The following SUGCT variants were observed in gnomAD, a reference collection of about 807,000 sequenced individuals.
SUGCT encodes succinyl-CoA:glutarate CoA-transferase.
Under a neutral mutation model 55.0 loss-of-function variants are expected in SUGCT, and 41 were observed. The ratio of observed to expected loss-of-function variants is 0.74; its 90% CI spans 0.58 to 0.97. SUGCT has a LOEUF of 0.97. SUGCT is among the 50% of genes least tolerant of loss of function. The probability of loss-of-function intolerance (pLI) is 0.00; values close to 1 mark genes in which losing one functional copy is unlikely to be tolerated. For synonymous variants in SUGCT, 187 were observed against 200.4 expected, an observed-to-expected ratio of 0.93 and a Z score of 0.56; for missense variants, 568 against 547.8, an observed-to-expected ratio of 1.04 and a Z score of -0.37.
chr7:40,580,530 C>T (rs1180202956), intron 12 of SUGCT, among the ~76,000 whole-genome samples: 1 of 152,116 alleles, frequency 6.6e-6, no homozygotes, highest in African/African-American at 2.4e-5. Flanking sequence ...AAAACCCAGG[C>T]CATCCTGTGA....
Position 40,318,499 on chromosome 7 carries a change from C to T in SUGCT, c.816+1644C>T, listed in dbSNP as rs145576187. The stretch of plus-strand genomic sequence containing the variant: ...TTGCCTATGTGGGTGTGCAGTGGCA[C>T]GATCTCAGCTCCCTGCAACCTCCAC... On this transcript the variant is annotated intron_variant, in intron 9 of 13. Transcript: ENST00000335693. 1.2e-4 allele frequency among the ~76,000 whole-genome samples: 18 copies of T among 152,336 alleles called. No homozygotes were observed. In the East Asian group the frequency reaches 2.7e-3, roughly 23 times the overall value.
chr7:40,971,210 T>C, the SUGCT span, among the ~76,000 whole-genome samples: 1 of 152,060 alleles, frequency 6.6e-6, no homozygotes, highest in East Asian at 1.9e-4. Flanking sequence ...GAGAGAGCGA[T>C]GCGGGAGGTG....
intron 8 of SUGCT, among the ~76,000 whole-genome samples, chr7:40,285,568 G>T (rs1793281276): frequency 6.6e-6 from 1 of 151,568 alleles, no homozygotes; most frequent in Non-Finnish European, 1.5e-5. Context: ...AATCAGTGGT[G>T]ACTATTTACC....
At chr7:40,659,736 G>A (rs894489173) in intron 12 of SUGCT, among the ~76,000 whole-genome samples, 1 of 152,180 alleles carries the variant, frequency 6.6e-6, no homozygotes. Context: ...CTTGCATGCA[G>A]TCCCAATTTC....
intron 13 of SUGCT, among the ~76,000 whole-genome samples, chr7:40,776,605 G>A (rs985214135): frequency 2.6e-5 from 4 of 152,026 alleles, no homozygotes; most frequent in African/African-American, 7.2e-5. Context: ...TACTTTCTAC[G>A]TATTATTTCA....
chr7:40,320,767 GA>G (rs36035003), intron 9 of SUGCT, among the ~76,000 whole-genome samples: 84,261 of 151,890 alleles, frequency 0.55, 24,675 homozygotes, highest in Non-Finnish European at 0.66. Context: ...AATATAGTGG[GA>G]AAAAAATGGA....
chr7:40,921,466 C>T, the SUGCT span, among the ~76,000 whole-genome samples: 1 of 152,324 alleles, frequency 6.6e-6, no homozygotes, highest in East Asian at 1.9e-4. Flanking sequence ...TGTGCACCTT[C>T]GTACTGAAGC....
At chr7:40,640,003 A>G (rs1800198364) in intron 12 of SUGCT, among the ~76,000 whole-genome samples, 1 of 152,210 alleles carries the variant, frequency 6.6e-6, no homozygotes, top group Non-Finnish European at 1.5e-5. Context: ...AAGATTCAGC[A>G]TCATGGTGTT....
intron 8 of SUGCT, among the ~76,000 whole-genome samples, chr7:40,293,136 A>T (rs1793893013): frequency 6.6e-6 from 1 of 151,928 alleles, no homozygotes; most frequent in South Asian, 2.1e-4. Context: ...GGTAATGAGA[A>T]TTTTTCTGTG....
chr7:40,812,324 G>A (rs1192963976), intron 13 of SUGCT, among the ~76,000 whole-genome samples: 1 of 152,084 alleles, frequency 6.6e-6, no homozygotes, highest in Non-Finnish European at 1.5e-5. Context: ...ACATCAGGTA[G>A]AATTCAGCTG....
chr7:41,023,638 A>G, the SUGCT span, among the ~76,000 whole-genome samples: 1 of 152,198 alleles, frequency 6.6e-6, no homozygotes, highest in African/African-American at 2.4e-5. Context: ...AACAGTTCCT[A>G]CAATCCCATT....
the SUGCT span, among the ~76,000 whole-genome samples, chr7:40,944,059 T>C: frequency 6.6e-6 from 1 of 152,114 alleles, no homozygotes; most frequent in African/African-American, 2.4e-5. Flanking sequence ...CATGTGTCTT[T>C]TGGCTGCATA....
the SUGCT span, among the ~76,000 whole-genome samples, chr7:40,898,187 T>C: frequency 3.3e-5 from 5 of 152,026 alleles, no homozygotes; most frequent in Admixed American, 1.3e-4. Context: ...ACTGAACAAC[T>C]CTGGACGTGC....
At chr7:40,377,173 TC>T (rs1370143621) in intron 9 of SUGCT, among the ~76,000 whole-genome samples, 7 of 15,868 alleles carry the variant, frequency 4.4e-4, no homozygotes, top group African/African-American at 7.0e-4. Context: ...TTTCTTTCTT[TC>T]TTTCTTTCTT....
intron 9 of SUGCT, among the ~76,000 whole-genome samples, chr7:40,377,126 TCC>T (rs61619065): frequency 0.86 from 25,797 of 29,858 alleles, 12,342 homozygotes; most frequent in South Asian, 0.99. Context: ...TTTTCAGCCT[TCC>T]TCTTTCTTTC....
chr7:40,476,753 A>G (rs1294699586), intron 11 of SUGCT, among the ~76,000 whole-genome samples: 1 of 151,912 alleles, frequency 6.6e-6, no homozygotes, highest in Non-Finnish European at 1.5e-5. Flanking sequence ...ATATTACTGT[A>G]CAAATGGAAT....
chr7:40,631,244 C>T (rs1257894660), intron 12 of SUGCT, among the ~76,000 whole-genome samples: 2 of 151,918 alleles, frequency 1.3e-5, no homozygotes, highest in African/African-American at 4.8e-5. Flanking sequence ...GCATTATTTA[C>T]GTGTAACAAG....
intron 12 of SUGCT, among the ~76,000 whole-genome samples, chr7:40,593,228 C>T (rs578083673): frequency 5.9e-5 from 9 of 152,256 alleles, no homozygotes; most frequent in Middle Eastern, 3.4e-3. Context: ...GCCTAGAGCC[C>T]GTGGGATTCT....
chr7:40,585,521 G>A (rs903891954), intron 12 of SUGCT, among the ~76,000 whole-genome samples: 1 of 152,094 alleles, frequency 6.6e-6, no homozygotes, highest in Non-Finnish European at 1.5e-5. Flanking sequence ...GGATCCTCCT[G>A]CTTCAGCCTC....
Sources: allele counts gnomAD v4.1 joint callset (sites outside exome capture counted in the v4.1 genomes callset), GRCh38; gene constraint gnomAD v4.1.1; transcripts MANE v1.5; gene names NCBI Gene and HGNC (gene_info 2026-07-23, HGNC 2026-07-21).